GSG1L2: variants seen among roughly 807,000 people sequenced by gnomAD.
The protein encoded by GSG1L2 is germ cell-specific gene 1-like protein 2.
Under a neutral mutation model 9.0 loss-of-function variants are expected in GSG1L2, and 15 were observed. That is an observed-to-expected ratio of 1.67 (90% CI 1.12 to 2.57). GSG1L2 has a LOEUF of 2.57. GSG1L2 is among the 30% of genes most tolerant of loss of function. The probability of loss-of-function intolerance (pLI) is 0.00; values close to 1 mark genes in which losing one functional copy is unlikely to be tolerated. For missense variants in GSG1L2, 286 were observed against 150.3 expected (o/e 1.90, Z -4.72); for synonymous variants, 127 against 57.9 (o/e 2.19, Z -5.41).
chr17:9,805,028 C>T (rs1331721092), intron 4 of GSG1L2: 1 of 151,898 alleles, frequency 6.6e-6, no homozygotes, highest in Non-Finnish European at 1.5e-5. Flanking sequence ...AAGAATTCAA[C>T]AGAAAGGCTG....
chr17:9,815,654 AC>A (rs1335402020), intron 1 of GSG1L2, among the ~76,000 whole-genome samples: 1 of 152,230 alleles, frequency 6.6e-6, no homozygotes, highest in East Asian at 1.9e-4. Context: ...ACTTCAAGAT[AC>A]TTTTTCTTTA....
At chr17:9,811,635 A>C (rs1397905554) in intron 1 of GSG1L2, among the ~76,000 whole-genome samples, 1 of 152,200 alleles carries the variant, frequency 6.6e-6, no homozygotes, top group Non-Finnish European at 1.5e-5. Context: ...ACGTCAGCCC[A>C]AAATAGAATC....
In GSG1L2 at chr17:9,801,467, C is replaced by A. The variant is rs570113835; in HGVS notation, c.*919G>T. Among the ~76,000 whole-genome samples the A allele has an allele frequency of 5.3e-5, 8 of 152,222 alleles. No individual in the cohort carries two copies. In the South Asian group the frequency reaches 1.5e-3, roughly 28 times the overall value. ...CTGACCTCAAGTGATCTGTCTACCT[C>A]GGCCTCACAAAGTGCTGGGATTACA... On this transcript the variant is annotated 3_prime_UTR_variant, in exon 5 of 5. Coordinates refer to ENST00000399363, the MANE Select transcript of GSG1L2 (RefSeq NM_001310219.2).
At chr17:9,807,348 G>A in intron 4 of GSG1L2, 142 bp downstream of exon 4, 1 of 622,400 alleles carries the variant, frequency 1.6e-6, no homozygotes, top group Non-Finnish European at 2.9e-6. Context: ...GGCTACAGAT[G>A]GGTCACAGAA....
rs560474622 is a variant in GSG1L2, at chr17:9,801,382, GTT to G, written c.*1002_*1003del. ...GCCACCATGCTTGGCTATTTTTGAT[GTT>G]TTTTTTTTTTTAGTAGAGACAGGGT... On this transcript the variant is annotated 3_prime_UTR_variant, in exon 5 of 5. Coordinates refer to ENST00000399363, the MANE Select transcript of GSG1L2 (RefSeq NM_001310219.2). 7.1e-6 allele frequency among the ~76,000 whole-genome samples: 1 copy of G among 140,316 alleles called. No homozygotes were observed. The allele number at this position is 140,316 out of a possible 152,430, so 92.1% of individuals were successfully genotyped here. A position where few individuals can be genotyped will look rare whatever the true frequency, so the allele number is the denominator to read the frequency against.
At chr17:9,807,071 G>A (rs1397013723) in intron 4 of GSG1L2, among the ~76,000 whole-genome samples, 1 of 152,154 alleles carries the variant, frequency 6.6e-6, no homozygotes, top group Non-Finnish European at 1.5e-5. Context: ...TGGATAATAT[G>A]GTCGAGTCAG....
At chr17:9,805,355 T>C (rs997247728) in intron 4 of GSG1L2, 1 of 151,564 alleles carries the variant, frequency 6.6e-6, no homozygotes, top group African/African-American at 2.4e-5. Context: ...TTCAGAACAT[T>C]GGTCATAAAG....
At chr17:9,816,308 T>C (rs554614266) in intron 1 of GSG1L2, among the ~76,000 whole-genome samples, 1 of 152,310 alleles carries the variant, frequency 6.6e-6, no homozygotes, top group Admixed American at 6.5e-5. Flanking sequence ...CCTGACAGTA[T>C]GGGAAAAACC....
intron 2 of GSG1L2, chr17:9,809,258 T>TGG (rs111979576): frequency 9.2e-6 from 4 of 432,596 alleles, no homozygotes; most frequent in African/African-American, 8.2e-5. Flanking sequence ...TGAGTGGTGC[T>TGG]GGGGGTCTCC....
At chr17:9,813,736 T>C (rs2066548454) in intron 1 of GSG1L2, among the ~76,000 whole-genome samples, 1 of 152,184 alleles carries the variant, frequency 6.6e-6, no homozygotes, top group Admixed American at 6.5e-5. Flanking sequence ...GGCCAGCATG[T>C]TGGCAGCAGA....
At chr17:9,816,860 ATGTG>A (rs1555566419) in intron 1 of GSG1L2, among the ~76,000 whole-genome samples, 1 of 130,592 alleles carries the variant, frequency 7.7e-6, no homozygotes, top group Admixed American at 7.2e-5. Context: ...GTGTATCTGT[ATGTG>A]TGTGTCTGTG....
At chr17:9,805,849 T>G (rs1376873824) in intron 4 of GSG1L2, among the ~76,000 whole-genome samples, 1 of 152,126 alleles carries the variant, frequency 6.6e-6, no homozygotes, top group Non-Finnish European at 1.5e-5. Context: ...CTTGCTTTCT[T>G]TCGTCCCCAT....
chr17:9,809,290 C>T, intron 2 of GSG1L2: 1 of 385,228 alleles, frequency 2.6e-6, no homozygotes, highest in South Asian at 2.4e-5. Flanking sequence ...CAAAAACTAC[C>T]ATTGTGTCTG....
Position 9,808,918 on chromosome 17 carries a change from G to A in GSG1L2, c.423C>T (p.Ile141=), listed in dbSNP as rs1286694473. The change falls in exon 3 of 5, where the codon ATC becomes ATT. Residue 141 remains isoleucine, a synonymous_variant. Transcript: ENST00000399363. ...LDIVLILTSA[I]LLGSRVSCRS... Reference sequence around the variant, plus strand: ...GACAACTCACTCTGGAGCCCAGGAGGATGGCGCTTGTCAGTATCAGAACGA... The same window carrying A: ...GACAACTCACTCTGGAGCCCAGGAGAATGGCGCTTGTCAGTATCAGAACGA... 1.8e-5 allele frequency: 13 copies of A among 703,010 alleles called. No individual in the cohort carries two copies. Among genetic ancestry groups the A allele is most frequent in the Admixed American group, 1.0e-4 (5 of 50,010 alleles). 43.5% of individuals were successfully genotyped at this position (703,010 alleles called of 1,614,324 possible).
At chr17:9,818,747 A>G (rs2066577834) in intron 1 of GSG1L2, among the ~76,000 whole-genome samples, 1 of 149,618 alleles carries the variant, frequency 6.7e-6, no homozygotes, top group Admixed American at 6.7e-5. Flanking sequence ...CCACCTCCAC[A>G]ATCCAATCAC....
chr17:9,821,495 A>G (rs4791371), intron 1 of GSG1L2, among the ~76,000 whole-genome samples: 42,975 of 152,154 alleles, frequency 0.28, 11,010 homozygotes, highest in African/African-American at 0.68. Context: ...CATCTTTACA[A>G]TCACTCTTGG....
intron 1 of GSG1L2, among the ~76,000 whole-genome samples, chr17:9,815,111 G>A (rs554762847): frequency 7.9e-5 from 12 of 152,318 alleles, no homozygotes; most frequent in Admixed American, 7.2e-4. Flanking sequence ...CAGGTGGCTG[G>A]GTGCGGTGGC....
Position 9,820,823 on chromosome 17 carries a change from T to TA in GSG1L2, c.310+938dup, listed in dbSNP as rs1567712439. Among the ~76,000 whole-genome samples, 1 of 152,078 alleles carries TA rather than the reference T, an allele frequency of 6.6e-6. No individual in the cohort carries two copies. Among genetic ancestry groups the TA allele is most frequent in the Non-Finnish European group, 1.5e-5 (1 of 67,942 alleles). ...ACCCCACCATGTCCAGCTAATTTTT[T>TA]AAAAAAACCTTTTGTAAAGAGAGGT... On this transcript the variant is annotated intron_variant, in intron 1 of 4. Transcript: ENST00000399363. This position sits in a 1 kb window ranked among gnomAD's most constrained non-coding sequence, Gnocchi z 4.9.
intron 1 of GSG1L2, among the ~76,000 whole-genome samples, chr17:9,816,896 C>CTCTG (rs2066568965): frequency 7.4e-6 from 1 of 134,966 alleles, no homozygotes. Flanking sequence ...GTGTGTGTAT[C>CTCTG]TGTGTGTGTG....
Sources: allele counts gnomAD v4.1 joint callset (sites outside exome capture counted in the v4.1 genomes callset), GRCh38; gene constraint gnomAD v4.1.1; non-coding constraint Gnocchi (gnomAD v3.1); transcripts MANE v1.5; gene names NCBI Gene and HGNC (gene_info 2026-07-23, HGNC 2026-07-21).